The following PRKAR1B variants were observed in gnomAD, a reference collection of about 807,000 sequenced individuals.
PRKAR1B encodes the protein protein kinase cAMP-dependent type I regulatory subunit beta.
PRKAR1B carries 22 observed loss-of-function variants against 46.5 expected under a neutral mutation model. The observed-to-expected ratio is 0.47, with a 90% CI of 0.34 to 0.68. PRKAR1B has a LOEUF of 0.68. Ranked by LOEUF, PRKAR1B falls within the 30% of genes least tolerant of loss-of-function variation. The pLI, the probability that PRKAR1B is intolerant of heterozygous loss-of-function variation, is 0.01. For synonymous variants in PRKAR1B, 259 were observed against 217.7 expected, an observed-to-expected ratio of 1.19 and a Z score of -1.67; for missense variants, 445 against 535.6, an observed-to-expected ratio of 0.83 and a Z score of 1.67.
intron 5 of PRKAR1B, among the ~76,000 whole-genome samples, chr7:606,728 G>A (rs1327884061): frequency 4.6e-5 from 7 of 152,018 alleles, no homozygotes; most frequent in South Asian, 2.1e-4. Context: ...GATTACAGGC[G>A]TGAGCCACCG....
At chr7:691,798 G>A in intron 2 of PRKAR1B, 1 of 1,189,592 alleles carries the variant, frequency 8.4e-7, no homozygotes, top group Non-Finnish European at 1.1e-6. Context: ...TCCTGCGGAG[G>A]ACGGCGCATC....
chr7:678,046 G>A (rs952047173), intron 3 of PRKAR1B, among the ~76,000 whole-genome samples: 1 of 152,140 alleles, frequency 6.6e-6, no homozygotes, highest in Non-Finnish European at 1.5e-5. Flanking sequence ...CGAGGCAGGC[G>A]GATCGCCTGA....
intron 4 of PRKAR1B, among the ~76,000 whole-genome samples, chr7:627,508 C>T (rs1783470813): frequency 1.3e-5 from 2 of 152,334 alleles, no homozygotes; most frequent in South Asian, 2.1e-4. Context: ...CGGACCCAGG[C>T]GGTCGGACAG....
At chr7:587,286 G>T (rs1283965491) in intron 7 of PRKAR1B, among the ~76,000 whole-genome samples, 1 of 152,172 alleles carries the variant, frequency 6.6e-6, no homozygotes, top group African/African-American at 2.4e-5. Context: ...TCACTCACAG[G>T]AATGGAGATC....
chr7:715,120 C>G (rs570998264), intron 1 of PRKAR1B, among the ~76,000 whole-genome samples: 3 of 152,168 alleles, frequency 2.0e-5, no homozygotes, highest in Middle Eastern at 6.8e-3. Context: ...CCAGTGAGCC[C>G]AGATCGTACC....
intron 5 of PRKAR1B, 33 bp from the exon 6 acceptor site, chr7:606,272 A>C (rs1782044401): frequency 6.2e-7 from 1 of 1,603,038 alleles, no homozygotes; most frequent in African/African-American, 1.3e-5. Flanking sequence ...ACAGATACAA[A>C]GTACATCCAG....
intron 4 of PRKAR1B, among the ~76,000 whole-genome samples, chr7:615,462 C>A (rs1186951638): frequency 8.3e-6 from 1 of 119,880 alleles, no homozygotes; most frequent in Admixed American, 8.7e-5. Flanking sequence ...ATAAAAAAGA[C>A]AGAAAGAAGG....
chr7:617,459 C>T (rs2128472058), intron 4 of PRKAR1B, among the ~76,000 whole-genome samples: 1 of 152,260 alleles, frequency 6.6e-6, no homozygotes, highest in African/African-American at 2.4e-5. Flanking sequence ...CCCGAACCAC[C>T]ACCCCCAACT....
chr7:579,231 C>T (rs748510669), intron 9 of PRKAR1B, 25 bp downstream of exon 9: 110 of 1,613,790 alleles, frequency 6.8e-5, no homozygotes, highest in Non-Finnish European at 8.6e-5. Context: ...ACACCCAGAG[C>T]GCCCACGTGG....
At chr7:726,921 C>T (rs778951643) in intron 1 of PRKAR1B, 14 of 1,347,784 alleles carry the variant, frequency 1.0e-5, no homozygotes, top group Non-Finnish European at 1.2e-5. Context: ...CCGACCCCAC[C>T]GCTTTCCAGG....
At chr7:581,130 C>T (rs1409691371) in intron 8 of PRKAR1B, among the ~76,000 whole-genome samples, 3 of 151,916 alleles carry the variant, frequency 2.0e-5, no homozygotes, top group Non-Finnish European at 4.4e-5. Flanking sequence ...GGTGAAACGC[C>T]GTCTCTACTA....
chr7:657,571 G>A (rs900210617), intron 4 of PRKAR1B, among the ~76,000 whole-genome samples: 6 of 152,186 alleles, frequency 3.9e-5, no homozygotes, highest in Admixed American at 2.0e-4. Flanking sequence ...GGGGGTGGTG[G>A]ACAGGAATGA....
Position 622,641 on chromosome 7 carries a change from A to G in PRKAR1B, c.441-15189T>C, listed in dbSNP as rs910754450. ...GACACGGGTTGTTATTCCCCCTCCC[A>G]TGATGTCAAAGAGCAGAACACACAG... is the stretch of plus-strand genomic sequence containing the variant. On this transcript the variant is annotated intron_variant, in intron 4 of 10. Coordinates refer to ENST00000537384, the MANE Select transcript of PRKAR1B (RefSeq NM_001164760.2). Among the ~76,000 whole-genome samples the G allele has an allele frequency of 7.9e-5, 12 of 152,254 alleles. No homozygotes were observed. The South Asian group carries it at 1.9e-3, about 24-fold the overall frequency.
rs376485407 is a variant in PRKAR1B, at chr7:551,464, C to A, written c.898G>T (p.Ala300Ser). 1.9e-6 allele frequency: 3 copies of A among 1,554,228 alleles called. No homozygotes were observed. The highest frequency in any genetic ancestry group is 1.2e-5 in the South Asian group (1 of 84,482). ...DDFYIITEGT[A>S]SVLQRRSPNE... ...GGGGACCGGCGCTGCAGCACGGACG[C>A]GGTGCCCTGTGGGTGGAGGTGGACA... Residue 300 changes from alanine (A) to serine (S), a missense_variant, in exon 10 of 11, where the codon GCG becomes TCG. By Grantham distance (99) the Ala-to-Ser change is moderately conservative (BLOSUM62 1). This residue lies in a region of PRKAR1B where 127 missense variants were observed against 138.0 expected (regional missense o/e 0.92). Transcript: ENST00000537384.
chr7:672,388 G>C (rs886414751), intron 4 of PRKAR1B, among the ~76,000 whole-genome samples: 1 of 151,796 alleles, frequency 6.6e-6, no homozygotes, highest in African/African-American at 2.4e-5. Flanking sequence ...CTGGCCTCAA[G>C]TGATCTGCCC....
intron 9 of PRKAR1B, among the ~76,000 whole-genome samples, chr7:558,359 A>AAGG (rs373918546): frequency 4.1e-4 from 61 of 149,468 alleles, no homozygotes; most frequent in Middle Eastern, 3.5e-3. Context: ...GAAGGAGGAG[A>AAGG]AGGAGGAGGA....
At position 669,005 on chromosome 7, in the gene PRKAR1B, TCAAA is replaced by T. The variant is rs368692693; in HGVS notation, c.440+8220_440+8223del. ...ATCCATCAGCATCTGCCCAGGAGACTCAAACAGACACCTGCACACCCATGTTCAC... is the reference window on the plus strand; with the variant it reads ...ATCCATCAGCATCTGCCCAGGAGACTCAGACACCTGCACACCCATGTTCAC... On this transcript the variant is annotated intron_variant, in intron 4 of 10. Coordinates refer to ENST00000537384, the MANE Select transcript of PRKAR1B (RefSeq NM_001164760.2). 6.3e-3 allele frequency among the ~76,000 whole-genome samples: 959 copies of T among 152,166 alleles called. 9 individuals are homozygous for T. Among genetic ancestry groups the T allele is most frequent in the African/African-American group, 0.022 (917 of 41,522 alleles).
chr7:727,161 G>A, intron 1 of PRKAR1B, 49 bp downstream of exon 1: 1 of 1,295,882 alleles, frequency 7.7e-7, no homozygotes, highest in Non-Finnish European at 9.8e-7. Context: ...CGCTTGTGCA[G>A]CTGCTGGGCC....
rs1786014509 is a variant in PRKAR1B at position 667,812 on chromosome 7, C to A, written c.440+9417G>T. On this transcript the variant is annotated intron_variant, in intron 4 of 10. Coordinates refer to ENST00000537384, the MANE Select transcript of PRKAR1B (RefSeq NM_001164760.2). This position sits in a 1 kb window ranked among gnomAD's most constrained non-coding sequence, Gnocchi z 4.3. Reference sequence around the variant, plus strand: ...GGTTGACACTATGCCTCTCACAGATCCTGTGCAAAGGCCCAGGGAAACCCT... The same window carrying A: ...GGTTGACACTATGCCTCTCACAGATACTGTGCAAAGGCCCAGGGAAACCCT... Among the ~76,000 whole-genome samples the A allele has an allele frequency of 6.6e-6, 1 of 152,140 alleles. No homozygotes were observed. The highest frequency in any genetic ancestry group is 6.5e-5 in the Admixed American group (1 of 15,282).
Sources: gnomAD v4.1 joint callset for allele counts (sites outside exome capture counted in the v4.1 genomes callset) on GRCh38, gnomAD v4.1.1 for gene constraint, gnomAD v4.1.1 regional missense constraint, Gnocchi (gnomAD v3.1) non-coding constraint, MANE v1.5 for transcripts, NCBI Gene and HGNC (gene_info 2026-07-23, HGNC 2026-07-21) for gene names.